Variants in NKAIN2 observed in about 807,000 individuals in gnomAD.
NKAIN2 encodes sodium/potassium transporting ATPase interacting 2.
A neutral mutation model predicts 32.6 loss-of-function variants in NKAIN2; 14 were observed. The observed-to-expected ratio is 0.43, with a 90% CI of 0.28 to 0.67. The LOEUF is 0.67. Among genes scored for constraint, NKAIN2 ranks in the 30% least tolerant of loss-of-function variants. The probability of loss-of-function intolerance (pLI) is 0.17; values close to 1 mark genes in which losing one functional copy is unlikely to be tolerated. For synonymous variants in NKAIN2, 80 were observed against 87.2 expected (o/e 0.92, Z 0.46); for missense variants, 198 against 258.3 (o/e 0.77, Z 1.60).
chr6:123,918,889 A>G (rs987500874), intron 1 of NKAIN2, among the ~76,000 whole-genome samples: 3 of 152,164 alleles, frequency 2.0e-5, no homozygotes, highest in Admixed American at 1.3e-4. Flanking sequence ...TCTAGGTAAA[A>G]ACTCTAAGTA....
At chr6:124,667,943 C>T (rs1401856152) in intron 4 of NKAIN2, among the ~76,000 whole-genome samples, 4 of 152,040 alleles carry the variant, frequency 2.6e-5, no homozygotes, top group African/African-American at 9.7e-5. Flanking sequence ...CTACTGTTCC[C>T]AACCCACACA....
Position 124,818,436 on chromosome 6 carries a change from G to A in NKAIN2, c.585G>A (p.Lys195=), listed in dbSNP as rs1434962618. ...CTTATGGCTATCAAGGGCCTCAGAA[G>A]ACATCTCATTTACAACTACAGCCTA... is the stretch of plus-strand genomic sequence containing the variant. ...FDSYGYQGPQ[K]TSHLQLQPMY... The change falls in exon 6 of 7, where the codon AAG becomes AAA. Residue 195 remains lysine, a synonymous_variant. Transcript: ENST00000368417. 1 of 1,602,840 alleles carries A rather than the reference G, an allele frequency of 6.2e-7. No individual in the cohort carries two copies. Among genetic ancestry groups the A allele is most frequent in the South Asian group, 1.1e-5 (1 of 90,672 alleles).
intron 1 of NKAIN2, among the ~76,000 whole-genome samples, chr6:123,991,280 C>G (rs1053421270): frequency 1.3e-5 from 2 of 152,032 alleles, no homozygotes; most frequent in Non-Finnish European, 2.9e-5. Flanking sequence ...CCTGTATTTC[C>G]TGAAATGTTC....
At chr6:123,918,701 G>A (rs1420902765) in intron 1 of NKAIN2, among the ~76,000 whole-genome samples, 1 of 152,106 alleles carries the variant, frequency 6.6e-6, no homozygotes, top group African/African-American at 2.4e-5. Flanking sequence ...CCAATCAGTT[G>A]AAGGCCTTAC....
At chr6:124,355,540 C>A (rs17051698) in intron 3 of NKAIN2, among the ~76,000 whole-genome samples, 193 bp downstream of exon 3, 1 of 89,390 alleles carries the variant, frequency 1.1e-5, no homozygotes, top group Non-Finnish European at 2.4e-5. Flanking sequence ...TGTACTTTTT[C>A]TTAAGCAAAA....
chr6:124,124,406 T>G (rs1390075999), intron 1 of NKAIN2, among the ~76,000 whole-genome samples: 1 of 152,168 alleles, frequency 6.6e-6, no homozygotes, highest in Non-Finnish European at 1.5e-5. Flanking sequence ...GGAACTTGAA[T>G]CATATAAAGT....
At chr6:124,624,996 A>T (rs1451307809) in intron 3 of NKAIN2, among the ~76,000 whole-genome samples, 3 of 152,122 alleles carry the variant, frequency 2.0e-5, no homozygotes, top group Non-Finnish European at 2.9e-5. Flanking sequence ...TCCTGCATTT[A>T]TTTAGTTCTA....
At chr6:124,626,068 T>C (rs1178891112) in intron 3 of NKAIN2, among the ~76,000 whole-genome samples, 8 of 149,364 alleles carry the variant, frequency 5.4e-5, no homozygotes, top group Admixed American at 4.0e-4. Flanking sequence ...GCATTAGGTA[T>C]ATCTCCTAAT....
chr6:124,536,091 T>G (rs1036661119), intron 3 of NKAIN2, among the ~76,000 whole-genome samples: 2 of 152,002 alleles, frequency 1.3e-5, no homozygotes, highest in African/African-American at 4.8e-5. Context: ...AAGCAGAAAA[T>G]AACTACTGAA....
At chr6:124,422,971 G>T (rs1311702874) in intron 3 of NKAIN2, among the ~76,000 whole-genome samples, 1 of 152,044 alleles carries the variant, frequency 6.6e-6, no homozygotes, top group African/African-American at 2.4e-5. Context: ...TTCAAAATAA[G>T]AACTAATTCC....
At chr6:123,875,847 G>A (rs1440476248) in intron 1 of NKAIN2, among the ~76,000 whole-genome samples, 3 of 151,884 alleles carry the variant, frequency 2.0e-5, no homozygotes, top group Non-Finnish European at 4.4e-5. Context: ...ACCTTCATTT[G>A]TTGACTAATT....
intron 1 of NKAIN2, among the ~76,000 whole-genome samples, chr6:124,155,145 G>C (rs1323140401): frequency 1.3e-5 from 2 of 152,004 alleles, no homozygotes; most frequent in Non-Finnish European, 2.9e-5. Flanking sequence ...ATTAATTCTA[G>C]TTATCCCAAC....
intron 1 of NKAIN2, among the ~76,000 whole-genome samples, chr6:123,986,209 T>C (rs1469673480): frequency 6.6e-6 from 1 of 152,186 alleles, no homozygotes; most frequent in Non-Finnish European, 1.5e-5. Context: ...AGTAGCATTA[T>C]ATATTGAGCC....
At chr6:124,417,622 T>G (rs1032389877) in intron 3 of NKAIN2, among the ~76,000 whole-genome samples, 3 of 152,190 alleles carry the variant, frequency 2.0e-5, no homozygotes, top group Non-Finnish European at 2.9e-5. Context: ...TAATTGAGAT[T>G]AAAAATCTTT....
intron 1 of NKAIN2, among the ~76,000 whole-genome samples, chr6:123,903,839 C>G (rs1258517454): frequency 6.6e-6 from 1 of 151,948 alleles, no homozygotes; most frequent in African/African-American, 2.4e-5. Flanking sequence ...GGATGAAAAC[C>G]CTTGCCTTGA....
intron 3 of NKAIN2, among the ~76,000 whole-genome samples, chr6:124,434,711 T>C (rs1346499120): frequency 6.6e-6 from 1 of 152,134 alleles, no homozygotes; most frequent in African/African-American, 2.4e-5. Context: ...TGAGCAAAAA[T>C]GTTTCTTTTA....
chr6:124,210,741 A>G (rs1320647615), intron 1 of NKAIN2, among the ~76,000 whole-genome samples: 1 of 151,078 alleles, frequency 6.6e-6, no homozygotes, highest in African/African-American at 2.4e-5. Context: ...GTTTTTTTTC[A>G]GATTGACCAC....
At chr6:124,024,563 A>C (rs1781017495) in intron 1 of NKAIN2, among the ~76,000 whole-genome samples, 1 of 151,750 alleles carries the variant, frequency 6.6e-6, no homozygotes, top group South Asian at 2.1e-4. Flanking sequence ...ATGGACACTT[A>C]GGCTCATTTT....
intron 2 of NKAIN2, among the ~76,000 whole-genome samples, chr6:124,297,668 T>C: frequency 6.7e-6 from 1 of 148,160 alleles, no homozygotes; most frequent in East Asian, 2.0e-4. Flanking sequence ...ATTGTTCTTT[T>C]CCTTGAGAGC....
Sources: allele counts gnomAD v4.1 joint callset (sites outside exome capture counted in the v4.1 genomes callset), GRCh38; gene constraint gnomAD v4.1.1; transcripts MANE v1.5; gene names NCBI Gene and HGNC (gene_info 2026-07-23, HGNC 2026-07-21).